MEF2C: variants seen among roughly 807,000 people sequenced by gnomAD.
The protein encoded by MEF2C is myocyte-specific enhancer factor 2C.
A neutral mutation model predicts 50.5 loss-of-function variants in MEF2C; 6 were observed. The observed-to-expected ratio is 0.12, with a 90% CI of 0.07 to 0.23. The LOEUF (loss-of-function observed/expected upper bound fraction) is 0.23. Ranked by LOEUF, MEF2C falls within the 10% of genes least tolerant of loss-of-function variation. MEF2C has a pLI of 1.00. For synonymous variants in MEF2C, 183 were observed against 228.0 expected (o/e 0.80, Z 1.78); for missense variants, 276 against 605.0 (o/e 0.46, Z 5.70).
chr5:88,863,680 T>C (rs1358335063), intron 1 of MEF2C, among the ~76,000 whole-genome samples: 2 of 152,230 alleles, frequency 1.3e-5, no homozygotes, highest in East Asian at 3.8e-4. Flanking sequence ...ACTGCCTTTC[T>C]ACTCTCTACT....
chr5:88,844,179 A>G (rs1017814063), intron 1 of MEF2C, among the ~76,000 whole-genome samples: 15 of 152,232 alleles, frequency 9.9e-5, no homozygotes, highest in African/African-American at 3.4e-4. Flanking sequence ...TGTTATTTCT[A>G]TATTTCAATT....
chr5:88,843,485 C>T, intron 1 of MEF2C: 2 of 984,748 alleles, frequency 2.0e-6, no homozygotes, highest in Non-Finnish European at 2.4e-6. Context: ...TTATGTTACA[C>T]AATTACATTT....
intron 1 of MEF2C, among the ~76,000 whole-genome samples, chr5:88,882,245 T>A (rs1833109232): frequency 6.6e-6 from 1 of 152,254 alleles, no homozygotes; most frequent in African/African-American, 2.4e-5. Flanking sequence ...AGAAGGCAAT[T>A]TAAGTGACTT....
rs1350600010 is a variant in MEF2C at position 88,823,854 on chromosome 5, T to C, written c.-66A>G. 18 of 1,599,518 alleles carry C rather than the reference T, an allele frequency of 1.1e-5. No homozygotes were observed. In the Admixed American group the frequency reaches 1.2e-4, roughly 11 times the overall value. On this transcript the variant is annotated 5_prime_UTR_variant, in exon 2 of 11. Coordinates refer to ENST00000504921, the MANE Select transcript of MEF2C (RefSeq NM_002397.5). ...TATTTTTTCCTTCCTTTTCTTTCTC[T>C]TTCCTGTTTCCTCCAAACAAATCTC...
chr5:88,869,260 T>TATATATATATATATAC (rs1561419044), intron 1 of MEF2C, among the ~76,000 whole-genome samples: 2 of 62,128 alleles, frequency 3.2e-5, no homozygotes, highest in Non-Finnish European at 6.1e-5. Flanking sequence ...TTCATATATA[T>TATATATATATATATAC]ATATATATAT....
At chr5:88,785,626 C>G (rs1371235610) in intron 3 of MEF2C, 3 of 152,084 alleles carry the variant, frequency 2.0e-5, no homozygotes, top group Admixed American at 2.0e-4. Flanking sequence ...AGTTTAATTG[C>G]AAGCAGTAAG....
At chr5:88,769,357 G>A (rs539724163) in intron 3 of MEF2C, among the ~76,000 whole-genome samples, 1 of 152,218 alleles carries the variant, frequency 6.6e-6, no homozygotes, top group African/African-American at 2.4e-5. Context: ...GGGTGATTCT[G>A]GGGCCAATCA....
intron 2 of MEF2C, among the ~76,000 whole-genome samples, chr5:88,822,662 A>G (rs1808944399): frequency 1.3e-5 from 2 of 152,008 alleles, no homozygotes; most frequent in African/African-American, 4.8e-5. Context: ...AAATGAATCA[A>G]TCAGTTCTAG....
intron 3 of MEF2C, chr5:88,771,538 C>T: frequency 1.0e-6 from 1 of 985,372 alleles, no homozygotes; most frequent in Non-Finnish European, 1.2e-6. Context: ...TATTTTTTAA[C>T]ATGTCTGCTT....
At chr5:88,762,042 G>C (rs894860108) in intron 3 of MEF2C, 10 of 152,170 alleles carry the variant, frequency 6.6e-5, no homozygotes, top group Non-Finnish European at 7.4e-5. Context: ...GGAAGACGAA[G>C]AACACTGAAA....
chr5:88,794,745 G>C (rs1452611576), intron 3 of MEF2C, among the ~76,000 whole-genome samples: 1 of 152,108 alleles, frequency 6.6e-6, no homozygotes, highest in African/African-American at 2.4e-5. Context: ...GTATTGCCTA[G>C]GTTTTCTTCC....
chr5:88,796,373 G>A (rs1041183003), intron 3 of MEF2C, among the ~76,000 whole-genome samples: 1 of 152,134 alleles, frequency 6.6e-6, no homozygotes, highest in Middle Eastern at 3.2e-3. Flanking sequence ...TTGGGAGGGT[G>A]TGTGTGTCCA....
chr5:88,899,382 A>G (rs1391889186), intron 1 of MEF2C, among the ~76,000 whole-genome samples: 1 of 152,148 alleles, frequency 6.6e-6, no homozygotes, highest in Non-Finnish European at 1.5e-5. Context: ...TCCTTTTGAG[A>G]CTTCCTCACA....
intron 3 of MEF2C, chr5:88,773,026 G>T: frequency 1.7e-6 from 1 of 582,690 alleles, no homozygotes; most frequent in Non-Finnish European, 2.2e-6. Context: ...AGTGCAGAGC[G>T]TCACTGGGAT....
rs1238735524 is a variant in MEF2C, at chr5:88,720,711, ATTGACTTTCTT to A, written c.*1882_*1892del. 6.6e-6 allele frequency: 1 copy of A among 152,572 alleles called. No individual in the cohort carries two copies. The highest frequency in any genetic ancestry group is 2.4e-5 in the African/African-American group (1 of 41,432). 9.5% of individuals were successfully genotyped at this position (152,572 alleles called of 1,614,324 possible). A position where few individuals can be genotyped will look rare whatever the true frequency, so the allele number is the denominator to read the frequency against. On this transcript the variant is annotated 3_prime_UTR_variant, in exon 11 of 11. Transcript: ENST00000504921. ...CTGAAATATCTTTTAAACAATATAT[ATTGACTTTCTT>A]ATGGCACTCACTTATTAAAGGGTCT...
At chr5:88,892,768 T>C (rs1171483394) in intron 1 of MEF2C, among the ~76,000 whole-genome samples, 1 of 152,186 alleles carries the variant, frequency 6.6e-6, no homozygotes, top group Non-Finnish European at 1.5e-5. Flanking sequence ...CTGGTTGACC[T>C]TTGGAATGCT....
intron 3 of MEF2C, among the ~76,000 whole-genome samples, chr5:88,786,744 ATTTATTAGTCTCAC>A: frequency 6.6e-6 from 1 of 152,334 alleles, no homozygotes; most frequent in East Asian, 1.9e-4. Flanking sequence ...ATATCACTAC[ATTTATTAGTCTCAC>A]TTTTAGTTTA....
chr5:88,862,585 A>T (rs1285342784), intron 1 of MEF2C, among the ~76,000 whole-genome samples: 1 of 151,492 alleles, frequency 6.6e-6, no homozygotes, highest in African/African-American at 2.4e-5. Flanking sequence ...AAAGTTTTTT[A>T]AAAATTACTT....
At chr5:88,862,818 C>A in intron 1 of MEF2C, among the ~76,000 whole-genome samples, 1 of 152,066 alleles carries the variant, frequency 6.6e-6, no homozygotes, top group East Asian at 1.9e-4. Context: ...TTGAGATCTG[C>A]CACAGTGAGG....
Sources: gnomAD v4.1 joint callset for allele counts (sites outside exome capture counted in the v4.1 genomes callset) on GRCh38, gnomAD v4.1.1 for gene constraint, MANE v1.5 for transcripts, NCBI Gene and HGNC (gene_info 2026-07-23, HGNC 2026-07-21) for gene names.